The following SFXN2 variants were observed in gnomAD, a reference collection of about 807,000 sequenced individuals.
SFXN2 encodes the protein sideroflexin 2, also known as sideroflexin-2.
In SFXN2, 37 loss-of-function variants were observed where a neutral mutation model predicts 41.9. The ratio of observed to expected loss-of-function variants is 0.88; its 90% CI spans 0.68 to 1.16. The LOEUF (loss-of-function observed/expected upper bound fraction) is 1.16. Among genes scored for constraint, SFXN2 ranks in the 50% most tolerant of loss-of-function variants. The pLI is 0.00. For synonymous variants in SFXN2, 150 were observed against 156.7 expected, an observed-to-expected ratio of 0.96 and a Z score of 0.32; for missense variants, 386 against 425.2, an observed-to-expected ratio of 0.91 and a Z score of 0.81.
At chr10:102,715,479 ACCT>A (rs2136017682) in intron 1 of SFXN2, among the ~76,000 whole-genome samples, 1 of 152,122 alleles carries the variant, frequency 6.6e-6, no homozygotes, top group Non-Finnish European at 1.5e-5. Flanking sequence ...GGGAAGTGCT[ACCT>A]CCCATCCCTT....
At chr10:102,722,796 G>T (rs2064527199) in intron 1 of SFXN2, among the ~76,000 whole-genome samples, 1 of 151,784 alleles carries the variant, frequency 6.6e-6, no homozygotes, top group African/African-American at 2.4e-5. Flanking sequence ...CGATGCTCCT[G>T]CCTTGGCCTG....
At chr10:102,728,639 C>A in intron 4 of SFXN2, 110 bp downstream of exon 4, 3 of 864,884 alleles carry the variant, frequency 3.5e-6, no homozygotes, top group Non-Finnish European at 5.7e-6. Context: ...AGCAGGTGAC[C>A]AAGTCACCCT....
intron 10 of SFXN2, 115 bp downstream of exon 10, chr10:102,733,718 T>G: frequency 1.1e-6 from 1 of 870,512 alleles, no homozygotes; most frequent in Non-Finnish European, 1.9e-6. Context: ...TTAAAAGTGG[T>G]CAAGCTCAGA....
At chr10:102,722,659 G>A (rs1408496048) in intron 1 of SFXN2, among the ~76,000 whole-genome samples, 2 of 151,834 alleles carry the variant, frequency 1.3e-5, no homozygotes, top group African/African-American at 4.8e-5. Flanking sequence ...CCGCACCTCA[G>A]CCTCCCAAGT....
intron 9 of SFXN2, 92 bp from the exon 10 acceptor site, chr10:102,733,462 C>T: frequency 9.2e-7 from 1 of 1,082,642 alleles, no homozygotes; most frequent in Non-Finnish European, 1.4e-6. Context: ...GTGGGCTTTT[C>T]TAGCTGGCTG....
At chr10:102,718,610 A>T (rs1350776329) in intron 1 of SFXN2, among the ~76,000 whole-genome samples, 1 of 152,234 alleles carries the variant, frequency 6.6e-6, no homozygotes, top group East Asian at 1.9e-4. Flanking sequence ...TCAGAGAAGC[A>T]TCGGGGCCAG....
chr10:102,722,516 A>G (rs970720006), intron 1 of SFXN2, among the ~76,000 whole-genome samples: 2 of 152,038 alleles, frequency 1.3e-5, no homozygotes, highest in Admixed American at 6.5e-5. Context: ...TAAGAGAAAT[A>G]AAGATTTTTA....
intron 6 of SFXN2, among the ~76,000 whole-genome samples, chr10:102,731,440 G>A (rs894938584): frequency 6.6e-6 from 1 of 152,062 alleles, no homozygotes; most frequent in Admixed American, 6.6e-5. Flanking sequence ...GCAAAACTGA[G>A]GCTTTGGGAG....
chr10:102,717,079 T>C (rs1379996789), intron 1 of SFXN2, among the ~76,000 whole-genome samples: 1 of 151,422 alleles, frequency 6.6e-6, no homozygotes, highest in African/African-American at 2.4e-5. Context: ...TTCTGTAAAC[T>C]GAGATCTTAG....
intron 8 of SFXN2, 87 bp downstream of exon 8, chr10:102,732,305 G>C (rs2064716566): frequency 4.3e-6 from 5 of 1,161,920 alleles, no homozygotes; most frequent in Non-Finnish European, 6.2e-6. Flanking sequence ...GTGGGAGGTG[G>C]GGCCCACCTT....
chr10:102,717,398 G>A (rs1011893653), intron 1 of SFXN2, among the ~76,000 whole-genome samples: 6 of 152,142 alleles, frequency 3.9e-5, no homozygotes, highest in Admixed American at 2.6e-4. Flanking sequence ...AAATTGCTGG[G>A]ATTACAGGCG....
intron 1 of SFXN2, chr10:102,716,233 G>A (rs1220884676): frequency 3.9e-5 from 6 of 151,904 alleles, no homozygotes; most frequent in African/African-American, 1.5e-4. Context: ...TCATTTTCCA[G>A]CTTGCTCTAG....
At chr10:102,732,334 AACT>A in intron 8 of SFXN2, 116 bp downstream of exon 8, 1 of 823,182 alleles carries the variant, frequency 1.2e-6, no homozygotes, top group Non-Finnish European at 1.9e-6. Flanking sequence ...ATGCTTCTCA[AACT>A]GCTTTGCTTG....
At chr10:102,720,118 G>C (rs2489741) in intron 1 of SFXN2, among the ~76,000 whole-genome samples, 1 of 151,404 alleles carries the variant, frequency 6.6e-6, no homozygotes. Flanking sequence ...CGGTGAAACC[G>C]CGTCTCTACT....
At chr10:102,715,543 G>C (rs2064397321) in intron 1 of SFXN2, among the ~76,000 whole-genome samples, 1 of 152,190 alleles carries the variant, frequency 6.6e-6, no homozygotes, top group Admixed American at 6.5e-5. Context: ...GCTAGGCCCT[G>C]TTCTAGACGC....
Position 102,729,711 on chromosome 10 carries a change from T to C in SFXN2, c.508-12T>C, listed in dbSNP as rs773116150. ...CTTCTGAACAACTCCTACTGTTCTCTTCCCCCAACAGAAAGCGCCGCCCTT... is the reference window on the plus strand; with the variant it reads ...CTTCTGAACAACTCCTACTGTTCTCCTCCCCCAACAGAAAGCGCCGCCCTT... On this transcript the variant is annotated splice_polypyrimidine_tract_variant and intron_variant, in intron 5 of 11. Transcript: ENST00000369893. 6.2e-7 allele frequency: 1 copy of C among 1,613,712 alleles called. No homozygotes were observed. Among genetic ancestry groups the C allele is most frequent in the Admixed American group, 1.7e-5 (1 of 60,014 alleles).
rs148521198 is a variant in SFXN2, at chr10:102,726,689, G to A, written c.53G>A (p.Arg18His). The A allele has an allele frequency of 1.5e-5, 24 of 1,614,104 alleles. No individual in the cohort carries two copies. Among genetic ancestry groups the A allele is most frequent in the African/African-American group, 2.7e-5 (2 of 74,938 alleles). The change falls in exon 2 of 12, where the codon CGC (arginine) becomes CAC (histidine). Residue 18 changes from arginine to histidine, a missense_variant. Arg to His is a conservative substitution (Grantham distance 29). Transcript: ENST00000369893. ...ATCGATGCCCCCCGTTGGGACCAGC[G>A]CACCTTCCTGGGGAGAGTGAAGCAC... ...FNIDAPRWDQ[R>H]TFLGRVKHFL...
chr10:102,728,333 G>T, intron 3 of SFXN2, 98 bp from the exon 4 acceptor site: 1 of 910,216 alleles, frequency 1.1e-6, no homozygotes, highest in East Asian at 2.4e-5. Flanking sequence ...TATGGGAACA[G>T]TGTGGGGACC....
At chr10:102,727,994 G>T (rs1446477715) in intron 3 of SFXN2, among the ~76,000 whole-genome samples, 1 of 152,110 alleles carries the variant, frequency 6.6e-6, no homozygotes, top group Non-Finnish European at 1.5e-5. Flanking sequence ...AGAAGCCCAG[G>T]TGCATAAAAC....
Sources: gnomAD v4.1 joint callset for allele counts (sites outside exome capture counted in the v4.1 genomes callset) on GRCh38, gnomAD v4.1.1 for gene constraint, MANE v1.5 for transcripts, NCBI Gene and HGNC (gene_info 2026-07-23, HGNC 2026-07-21) for gene names.